STX18: variants seen among roughly 807,000 people sequenced by gnomAD.
STX18 encodes syntaxin-18.
Under a neutral mutation model 50.1 loss-of-function variants are expected in STX18, and 40 were observed. That is an observed-to-expected ratio of 0.80 (90% confidence interval 0.62 to 1.04). STX18 has a LOEUF of 1.04. Ranked by LOEUF, STX18 falls within the 50% of genes least tolerant of loss-of-function variation. STX18 has a pLI of 0.00. For synonymous variants in STX18, 158 were observed against 151.8 expected (o/e 1.04, Z -0.30); for missense variants, 410 against 415.8 (o/e 0.99, Z 0.12).
chr4:4,485,711 G>A (rs1238387833), intron 1 of STX18, among the ~76,000 whole-genome samples: 1 of 152,148 alleles, frequency 6.6e-6, no homozygotes, highest in East Asian at 1.9e-4. Flanking sequence ...GCTGAAACAG[G>A]CATTTCTTTT....
chr4:4,462,829 C>G (rs960670332), intron 2 of STX18, among the ~76,000 whole-genome samples: 1 of 152,176 alleles, frequency 6.6e-6, no homozygotes, highest in Non-Finnish European at 1.5e-5. Context: ...CCCTAGGGAA[C>G]CCAATCCTCA....
At position 4,527,867 on chromosome 4, in the gene STX18, CAT is replaced by C. The variant is rs1553851958; in HGVS notation, c.168+13928_168+13929del. 2.0e-3 allele frequency among the ~76,000 whole-genome samples: 269 copies of C among 137,192 alleles called. 3 individuals carry two copies. Among genetic ancestry groups the C allele is most frequent in the African/African-American group, 5.7e-3 (215 of 37,864 alleles). The allele number at this position is 137,192 out of a possible 152,430, so 90.0% of individuals were successfully genotyped here. ...ATATATATATACACACACACACACA[CAT>C]ATATATATATATTAAAAACTACCTT... On this transcript the variant is annotated intron_variant, in intron 1 of 10. Transcript: ENST00000306200.
rs34563523 is a variant in STX18, at chr4:4,489,391, A to ATT, written c.169-17687_169-17686dup. Among the ~76,000 whole-genome samples, 197 of 51,676 alleles carry ATT rather than the reference A, an allele frequency of 3.8e-3. 49 individuals are homozygous for ATT. Among genetic ancestry groups the ATT allele is most frequent in the African/African-American group, 5.4e-3 (79 of 14,544 alleles). The allele number at this position is 51,676 out of a possible 152,430, so 33.9% of individuals were successfully genotyped here. A position where few individuals can be genotyped will look rare whatever the true frequency, so the allele number is the denominator to read the frequency against. Reference sequence around the variant, plus strand: ...AGCACTTCAATACACATGCAAAATAATTTTTTTTTTTTTTTTTTTTTTTTT... The same window carrying ATT: ...AGCACTTCAATACACATGCAAAATAATTTTTTTTTTTTTTTTTTTTTTTTTTT... On this transcript the variant is annotated intron_variant, in intron 1 of 10. Transcript: ENST00000306200.
intron 1 of STX18, among the ~76,000 whole-genome samples, chr4:4,474,474 C>G (rs967503289): frequency 2.6e-5 from 4 of 152,214 alleles, no homozygotes; most frequent in Admixed American, 2.6e-4. Flanking sequence ...GCCCATCCCC[C>G]TGTAAGATGT....
intron 1 of STX18, among the ~76,000 whole-genome samples, chr4:4,501,539 G>A (rs1729460919): frequency 6.6e-6 from 1 of 152,192 alleles, no homozygotes; most frequent in Non-Finnish European, 1.5e-5. Flanking sequence ...TCTGGAAAAT[G>A]AGGGGAGTCA....
chr4:4,442,696 T>C (rs1371430831), intron 5 of STX18, among the ~76,000 whole-genome samples: 1 of 151,164 alleles, frequency 6.6e-6, no homozygotes, highest in Non-Finnish European at 1.5e-5. Context: ...AGGCTATTAG[T>C]GTATTGGCGG....
Position 4,456,272 on chromosome 4 carries a change from C to CA in STX18, c.497+918dup, listed in dbSNP as rs1163974289. Among the ~76,000 whole-genome samples, 108 of 148,372 alleles carry CA rather than the reference C, an allele frequency of 7.3e-4. 1 individual carries two copies. The highest frequency in any genetic ancestry group is 8.3e-4 in the African/African-American group (33 of 39,990). ...GACCCTGTCTCAAAAACAAAAAAAA[C>CA]AAAAAAAAACAAAAAAGAAAATGTG... On this transcript the variant is annotated intron_variant, in intron 5 of 10. Coordinates refer to ENST00000306200, the MANE Select transcript of STX18 (RefSeq NM_016930.4).
At chr4:4,494,401 C>A (rs533484666) in intron 1 of STX18, among the ~76,000 whole-genome samples, 1 of 152,092 alleles carries the variant, frequency 6.6e-6, no homozygotes, top group African/African-American at 2.4e-5. Context: ...AGCATACTTT[C>A]AAGTGATTTT....
chr4:4,498,285 T>G (rs1482894180), intron 1 of STX18, among the ~76,000 whole-genome samples: 1 of 152,190 alleles, frequency 6.6e-6, no homozygotes, highest in African/African-American at 2.4e-5. Context: ...GCAAGTAGAT[T>G]TGCAGTGACT....
chr4:4,448,395 G>A (rs756181412), intron 5 of STX18, among the ~76,000 whole-genome samples: 10 of 151,856 alleles, frequency 6.6e-5, no homozygotes, highest in Middle Eastern at 3.4e-3. Context: ...AGGTTGGAGT[G>A]CAGTGGCACG....
At chr4:4,490,323 G>A (rs1728889021) in intron 1 of STX18, among the ~76,000 whole-genome samples, 1 of 152,094 alleles carries the variant, frequency 6.6e-6, no homozygotes. Context: ...TAAACTTACA[G>A]TATTACTCTA....
At chr4:4,439,686 T>G (rs1726006143) in intron 5 of STX18, among the ~76,000 whole-genome samples, 1 of 151,732 alleles carries the variant, frequency 6.6e-6, no homozygotes, top group South Asian at 2.1e-4. Flanking sequence ...CATCTTAATA[T>G]AAGTTAGCTC....
chr4:4,452,710 A>C (rs2108809833), intron 5 of STX18, among the ~76,000 whole-genome samples: 1 of 152,126 alleles, frequency 6.6e-6, no homozygotes, highest in South Asian at 2.1e-4. Context: ...AAACCAAAAA[A>C]CCTCACATTT....
intron 6 of STX18, among the ~76,000 whole-genome samples, chr4:4,437,012 T>G (rs573297567): frequency 1.4e-5 from 2 of 144,438 alleles, no homozygotes; most frequent in South Asian, 4.3e-4. Flanking sequence ...CAGGCTGGAG[T>G]GCAATGGCAC....
intron 1 of STX18, among the ~76,000 whole-genome samples, chr4:4,512,877 T>C (rs1252264879): frequency 6.6e-6 from 1 of 152,148 alleles, no homozygotes; most frequent in African/African-American, 2.4e-5. Flanking sequence ...TTGTGGGCTA[T>C]TAATAAAATA....
intron 7 of STX18, 44 bp from the exon 8 acceptor site, chr4:4,425,266 T>C (rs760788813): frequency 3.9e-6 from 6 of 1,555,832 alleles, no homozygotes; most frequent in Non-Finnish European, 5.3e-6. Flanking sequence ...ATACTGAACT[T>C]AGGCAAGAGT....
At chr4:4,458,444 C>T (rs536465161) in intron 3 of STX18, among the ~76,000 whole-genome samples, 1 of 152,252 alleles carries the variant, frequency 6.6e-6, no homozygotes, top group East Asian at 1.9e-4. Context: ...GCAAGAATGC[C>T]TATTGCTTCC....
At chr4:4,433,790 G>T (rs891817394) in intron 7 of STX18, among the ~76,000 whole-genome samples, 10 of 152,132 alleles carry the variant, frequency 6.6e-5, no homozygotes, top group African/African-American at 2.4e-4. Flanking sequence ...CAACACAAAC[G>T]CCTCAGTCTG....
chr4:4,451,289 G>T (rs1726738865), intron 5 of STX18, among the ~76,000 whole-genome samples: 1 of 152,184 alleles, frequency 6.6e-6, no homozygotes. Flanking sequence ...AAGAGAGACA[G>T]ATTTTTTCAG....
Sources: gnomAD v4.1 joint callset for allele counts (sites outside exome capture counted in the v4.1 genomes callset) on GRCh38, gnomAD v4.1.1 for gene constraint, MANE v1.5 for transcripts, NCBI Gene and HGNC (gene_info 2026-07-23, HGNC 2026-07-21) for gene names.